CSMD1: variants seen among roughly 807,000 people sequenced by gnomAD.
CSMD1 encodes CUB and Sushi multiple domains 1.
CSMD1 carries 213 observed loss-of-function variants against 417.5 expected under a neutral mutation model. The ratio of observed to expected loss-of-function variants is 0.51; its 90% CI spans 0.46 to 0.57. The LOEUF is 0.57. CSMD1 is among the 20% of genes least tolerant of loss of function. The probability of loss-of-function intolerance (pLI) is 0.00; values close to 1 mark genes in which losing one functional copy is unlikely to be tolerated. For synonymous variants in CSMD1, 2,862 were observed against 1,736.8 expected, an observed-to-expected ratio of 1.65 and a Z score of -16.11; for missense variants, 6,923 against 4,529.7, an observed-to-expected ratio of 1.53 and a Z score of -15.17.
chr8:3,244,145 G>T (rs777176534), intron 26 of CSMD1, among the ~76,000 whole-genome samples: 6 of 152,210 alleles, frequency 3.9e-5, no homozygotes, highest in Non-Finnish European at 8.8e-5. Flanking sequence ...AACACGTGAA[G>T]GAAAGCTGTT....
intron 10 of CSMD1, among the ~76,000 whole-genome samples, chr8:3,503,015 G>A (rs1455602042): frequency 6.6e-6 from 1 of 152,122 alleles, no homozygotes; most frequent in African/African-American, 2.4e-5. Flanking sequence ...GGGAAACTAT[G>A]TCTTCTGATC....
chr8:3,308,447 G>C lies in CSMD1; in HGVS notation c.3688C>G (p.Arg1230Gly), dbSNP rs1410174773. 2 of 1,613,680 alleles carry C rather than the reference G, an allele frequency of 1.2e-6. No homozygotes were observed. The highest frequency in any genetic ancestry group is 2.2e-5 in the East Asian group (1 of 44,812). Residue 1230 changes from arginine (R) to glycine (G), a missense_variant, in exon 24 of 70, where the codon CGT becomes GGT. Arg to Gly is a moderately radical substitution (Grantham distance 125). Transcript: ENST00000635120. ...GTGTCGGTAAAGTGGCCTTCATCACGGATCCTATAGCCGTAGTTAGGGATG... is the reference window on the plus strand; with the variant it reads ...GTGTCGGTAAAGTGGCCTTCATCACCGATCCTATAGCCGTAGTTAGGGATG... ...PGIPNYGYRI[R>G]DEGHFTDTVV...
intron 5 of CSMD1, among the ~76,000 whole-genome samples, chr8:3,882,344 C>T (rs2627370): frequency 0.033 from 5,064 of 152,186 alleles, 286 homozygotes; most frequent in African/African-American, 0.12. Context: ...AAAATCTCGA[C>T]GATGACAGAA....
At chr8:2,971,308 G>A (rs893392167) in intron 57 of CSMD1, among the ~76,000 whole-genome samples, 4 of 152,050 alleles carry the variant, frequency 2.6e-5, no homozygotes, top group Non-Finnish European at 5.9e-5. Context: ...CTTTTGCTCA[G>A]TGTAGGACCC....
chr8:4,553,272 C>T (rs1012055797), intron 2 of CSMD1, among the ~76,000 whole-genome samples: 2 of 152,172 alleles, frequency 1.3e-5, no homozygotes, highest in Non-Finnish European at 2.9e-5. Flanking sequence ...CCTCATTCCA[C>T]TTCACTCCAA....
intron 5 of CSMD1, among the ~76,000 whole-genome samples, chr8:3,820,446 T>C (rs1300384421): frequency 6.6e-6 from 1 of 152,230 alleles, no homozygotes; most frequent in Non-Finnish European, 1.5e-5. Flanking sequence ...ACAATCAATA[T>C]CACTGTCTTC....
chr8:4,789,494 A>C (rs910992682), intron 1 of CSMD1, among the ~76,000 whole-genome samples: 15 of 152,176 alleles, frequency 9.9e-5, no homozygotes, highest in Non-Finnish European at 1.6e-4. Flanking sequence ...CATTGGATAA[A>C]TGCTAAAGCC....
At chr8:3,495,421 A>G (rs73501526) in intron 10 of CSMD1, among the ~76,000 whole-genome samples, 8,169 of 152,248 alleles carry the variant, frequency 0.054, 237 homozygotes, top group African/African-American at 0.064. Context: ...TAGGGGTCAC[A>G]CTATATGAAT....
At chr8:4,102,093 A>G (rs1801334410) in intron 3 of CSMD1, among the ~76,000 whole-genome samples, 2 of 152,186 alleles carry the variant, frequency 1.3e-5, no homozygotes, top group South Asian at 4.2e-4. Flanking sequence ...TAATTTCTGA[A>G]GTAATGCTCA....
chr8:4,846,542 T>C (rs954414936), intron 1 of CSMD1, among the ~76,000 whole-genome samples: 1 of 152,180 alleles, frequency 6.6e-6, no homozygotes, highest in African/African-American at 2.4e-5. Context: ...AGCCACAGGC[T>C]CCTGTAAGAT....
intron 31 of CSMD1, 35 bp from the exon 32 acceptor site, chr8:3,201,760 G>T: frequency 7.6e-7 from 1 of 1,312,094 alleles, no homozygotes; most frequent in Middle Eastern, 1.8e-4. Context: ...GGCACAAGAT[G>T]CTCTAAGAAA....
At chr8:3,255,921 A>G (rs893568534) in intron 26 of CSMD1, among the ~76,000 whole-genome samples, 1 of 152,118 alleles carries the variant, frequency 6.6e-6, no homozygotes, top group African/African-American at 2.4e-5. Context: ...CTGGTACCTC[A>G]GTTGGAAATG....
intron 39 of CSMD1, among the ~76,000 whole-genome samples, chr8:3,154,829 G>C (rs945920144): frequency 6.6e-6 from 1 of 152,052 alleles, no homozygotes; most frequent in Non-Finnish European, 1.5e-5. Flanking sequence ...TCAAAATTAG[G>C]TCATGGGATT....
At chr8:3,847,821 C>G (rs1024640227) in intron 5 of CSMD1, among the ~76,000 whole-genome samples, 3 of 152,130 alleles carry the variant, frequency 2.0e-5, no homozygotes, top group Admixed American at 6.6e-5. Context: ...CACATCAAAC[C>G]TCATCTTGAC....
intron 31 of CSMD1, among the ~76,000 whole-genome samples, 157 bp downstream of exon 31, chr8:3,205,347 G>A (rs1323398612): frequency 6.6e-6 from 1 of 152,150 alleles, no homozygotes; most frequent in Admixed American, 6.5e-5. Context: ...TGGACATTGT[G>A]CAGGATATGT....
rs563393281 is a variant in CSMD1 at position 4,143,474 on chromosome 8, A to T, written c.416-111375T>A. ...TGTTTTATTACAGGAGGTGTTTAATATATGGCTCATAGTTAAAGCTGGTTA... is the reference window on the plus strand; with the variant it reads ...TGTTTTATTACAGGAGGTGTTTAATTTATGGCTCATAGTTAAAGCTGGTTA... On this transcript the variant is annotated intron_variant, in intron 3 of 69. Transcript: ENST00000635120. Among the ~76,000 whole-genome samples the T allele has an allele frequency of 2.1e-4, 31 of 150,404 alleles. 1 individual carries two copies. The highest frequency in any genetic ancestry group is 1.8e-3 in the Admixed American group (27 of 15,158).
At chr8:3,367,958 A>T (rs1027005757) in intron 19 of CSMD1, among the ~76,000 whole-genome samples, 1 of 152,160 alleles carries the variant, frequency 6.6e-6, no homozygotes, top group Non-Finnish European at 1.5e-5. Flanking sequence ...TCTTATTTGG[A>T]GGTCTGCATA....
In CSMD1 at chr8:3,412,033, TAC is replaced by T. The variant is rs1183619220; in HGVS notation, c.1562-2430_1562-2429del. Among the ~76,000 whole-genome samples the T allele has an allele frequency of 6.7e-4, 45 of 67,382 alleles. 3 individuals are homozygous for T. The highest frequency in any genetic ancestry group is 9.7e-4 in the South Asian group (2 of 2,064). 44.2% of individuals were successfully genotyped at this position (67,382 alleles called of 152,430 possible). ...ATATATACATATACACACGTATATA[TAC>T]ACATATATACACGTATATATACACA... On this transcript the variant is annotated intron_variant, in intron 12 of 69. Transcript: ENST00000635120.
At chr8:3,984,330 C>G (rs772177923) in intron 5 of CSMD1, among the ~76,000 whole-genome samples, 2 of 152,174 alleles carry the variant, frequency 1.3e-5, no homozygotes, top group Non-Finnish European at 2.9e-5. Context: ...TTTCGATCCA[C>G]TGCCAAAAGA....
Sources: gnomAD v4.1 joint callset for allele counts (sites outside exome capture counted in the v4.1 genomes callset) on GRCh38, gnomAD v4.1.1 for gene constraint, MANE v1.5 for transcripts, NCBI Gene and HGNC (gene_info 2026-07-23, HGNC 2026-07-21) for gene names.